ELOA: variants seen among roughly 807,000 people sequenced by gnomAD.
ELOA encodes the protein elongin A, also known as elongin-A.
In ELOA, 15 loss-of-function variants were observed where a neutral mutation model predicts 85.2. The observed-to-expected ratio is 0.18, with a 90% CI of 0.12 to 0.27. ELOA has a LOEUF of 0.27. Ranked by LOEUF, ELOA falls within the 10% of genes least tolerant of loss-of-function variation. The probability of loss-of-function intolerance (pLI) is 1.00; values close to 1 mark genes in which losing one functional copy is unlikely to be tolerated. For synonymous variants in ELOA, 348 were observed against 357.2 expected (o/e 0.97, Z 0.29); for missense variants, 769 against 952.7 (o/e 0.81, Z 2.54).
intron 2 of ELOA, 28 bp from the exon 3 acceptor site, chr1:23,749,814 C>T: frequency 6.2e-7 from 1 of 1,605,260 alleles, no homozygotes; most frequent in African/African-American, 1.3e-5. Flanking sequence ...TTCCAGACCC[C>T]TCTAACAATT....
chr1:23,757,811 G>GA (rs575030502), intron 10 of ELOA, among the ~76,000 whole-genome samples: 522 of 108,388 alleles, frequency 4.8e-3, no homozygotes, highest in Admixed American at 5.3e-3. Context: ...CCTGTCTCTG[G>GA]AAAAAAAAAA....
chr1:23,752,314 A>G (rs1191105729), intron 4 of ELOA, 93 bp from the exon 5 acceptor site: 1 of 1,246,298 alleles, frequency 8.0e-7, no homozygotes, highest in African/African-American at 1.5e-5. Context: ...TTCCTGTGCA[A>G]GATGTCCAGT....
chr1:23,753,199 C>G (rs1296810827), intron 5 of ELOA, among the ~76,000 whole-genome samples: 1 of 152,104 alleles, frequency 6.6e-6, no homozygotes, highest in African/African-American at 2.4e-5. Flanking sequence ...GATGCATTTC[C>G]TAAGTGCATA....
Position 23,750,878 on chromosome 1 carries a change from G to A in ELOA, c.273G>A (p.Lys91=). ...NAEPDEQDFE[K]SNSRKRPRDA... is the part of the protein sequence containing the mutation. ...AGCCTGATGAACAGGACTTTGAGAAGAGCAATTCCCGAAAGCGCCCTCGGG... is the reference window on the plus strand; with the variant it reads ...AGCCTGATGAACAGGACTTTGAGAAAAGCAATTCCCGAAAGCGCCCTCGGG... The change falls in exon 4 of 11, where the codon AAG becomes AAA. Residue 91 remains lysine, a synonymous_variant. Coordinates refer to ENST00000613537, the MANE Select transcript of ELOA (RefSeq NM_003198.3). 6.2e-7 allele frequency: 1 copy of A among 1,603,522 alleles called. No homozygotes were observed. The highest frequency in any genetic ancestry group is 8.5e-7 in the Non-Finnish European group (1 of 1,176,646).
rs1264666946 is a variant in ELOA, at chr1:23,754,139, C to T, written c.1577C>T (p.Thr526Ile). 2 of 1,614,212 alleles carry T rather than the reference C, an allele frequency of 1.2e-6. No homozygotes were observed. The highest frequency in any genetic ancestry group is 1.7e-6 in the Non-Finnish European group (2 of 1,180,038). ...SPQEEEEAGFTGRRMNSKMQV... is the reference protein window; with the variant it reads ...SPQEEEEAGFIGRRMNSKMQV... ...CAGGAAGAAGAAGAAGCTGGATTTA[C>T]TGGGCGCAGAATGAATTCCAAGATG... is the stretch of plus-strand genomic sequence containing the variant. The change falls in exon 6 of 11, where the codon ACT becomes ATT. Residue 526 changes from threonine to isoleucine, a missense_variant. This residue lies in a region of ELOA where 193 missense variants were observed against 278.9 expected (regional missense o/e 0.69). Coordinates refer to ENST00000613537, the MANE Select transcript of ELOA (RefSeq NM_003198.3).
rs374067534 is a variant in ELOA at position 23,756,416 on chromosome 1, G to A, written c.2084+31G>A. On this transcript the variant is annotated intron_variant, in intron 9 of 10. Transcript: ENST00000613537. The stretch of plus-strand genomic sequence containing the variant: ...ATCTGTGTTCTTACCTGGCTTTTGT[G>A]TGCTATCAACCCTTAGAGGTAGCCA... 1,220 of 1,539,508 alleles carry A rather than the reference G, an allele frequency of 7.9e-4. 2 individuals carry two copies. Among genetic ancestry groups the A allele is most frequent in the Non-Finnish European group, 9.8e-4 (1,114 of 1,135,988 alleles).
At chr1:23,749,117 C>T in intron 2 of ELOA, 40 bp downstream of exon 2, 10 of 1,513,944 alleles carry the variant, frequency 6.6e-6, no homozygotes, top group Non-Finnish European at 7.3e-6. Context: ...TAATGATATC[C>T]CATTCCCTTC....
intron 4 of ELOA, 89 bp from the exon 5 acceptor site, chr1:23,752,318 G>A (rs1404274848): frequency 7.8e-7 from 1 of 1,280,412 alleles, no homozygotes; most frequent in African/African-American, 1.5e-5. Flanking sequence ...TGTGCAAGAT[G>A]TCCAGTTAAT....
At position 23,743,551 on chromosome 1, in the gene ELOA, C is replaced by G. The variant is rs1324964504; in HGVS notation, c.48C>G (p.Arg16=). ...AAGTTGTGGAGAAGCTGCAGGCGCG[C>G]CTGGCCGCGAACCCGGACCCTAAGA... is the stretch of plus-strand genomic sequence containing the variant. ...ALQVVEKLQA[R]LAANPDPKKL... is the part of the protein sequence containing the mutation. The change falls in exon 1 of 11, where the codon CGC becomes CGG. Residue 16 remains arginine, a synonymous_variant. Transcript: ENST00000613537. The G allele has an allele frequency of 6.7e-7, 1 of 1,495,872 alleles. No homozygotes were observed. The highest frequency in any genetic ancestry group is 2.2e-5 in the Admixed American group (1 of 46,274). The allele number at this position is 1,495,872 out of a possible 1,614,324, so 92.7% of individuals were successfully genotyped here.
intron 4 of ELOA, among the ~76,000 whole-genome samples, 153 bp downstream of exon 4, chr1:23,752,183 CAG>C (rs1273868052): frequency 6.6e-6 from 1 of 152,318 alleles, no homozygotes; most frequent in East Asian, 1.9e-4. Context: ...CACTGGTTGT[CAG>C]GGTATATGGT....
In ELOA at chr1:23,754,095, T is replaced by C; in HGVS notation, c.1538-5T>C. ...AGGGCCTTTTGTGTTTTTCTTGCCC[T>C]ATAGCGTTCTCTTCACCCCAGGAAG... On this transcript the variant is annotated splice_polypyrimidine_tract_variant and splice_region_variant and intron_variant, in intron 5 of 10. Transcript: ENST00000613537. 6.2e-7 allele frequency: 1 copy of C among 1,614,060 alleles called. No homozygotes were observed.
chr1:23,748,932 C>T, intron 1 of ELOA, 89 bp from the exon 2 acceptor site: 5 of 1,004,092 alleles, frequency 5.0e-6, no homozygotes, highest in South Asian at 1.3e-5. Flanking sequence ...ATACTCATTA[C>T]TGTAAATGGT....
At chr1:23,755,580 G>A (rs1644790671) in intron 7 of ELOA, among the ~76,000 whole-genome samples, 1 of 152,004 alleles carries the variant, frequency 6.6e-6, no homozygotes. Context: ...TCAGGAGTTC[G>A]AGACCAGCCT....
At chr1:23,743,657 G>A (rs1031574839) in intron 1 of ELOA, 79 bp downstream of exon 1, 43 of 1,368,134 alleles carry the variant, frequency 3.1e-5, no homozygotes, top group Non-Finnish European at 3.9e-5. Context: ...CGAGCGTGGC[G>A]GGGTTCGGGG....
At chr1:23,752,829 G>A (rs957604546) in intron 5 of ELOA, among the ~76,000 whole-genome samples, 1 of 151,986 alleles carries the variant, frequency 6.6e-6, no homozygotes, top group African/African-American at 2.4e-5. Flanking sequence ...TGTAATCCCA[G>A]CTACTCCGGA....
chr1:23,753,597 T>TA (rs796778263), intron 5 of ELOA, among the ~76,000 whole-genome samples: 2,190 of 149,222 alleles, frequency 0.015, 52 homozygotes, highest in African/African-American at 0.05. Context: ...TATGCCACAG[T>TA]AAAAAAAAAA....
In ELOA at chr1:23,758,845, G is replaced by C. The variant is rs7536699; in HGVS notation, c.2258-667G>C. On this transcript the variant is annotated intron_variant, in intron 10 of 10. Coordinates refer to ENST00000613537, the MANE Select transcript of ELOA (RefSeq NM_003198.3). ...TACACTGGACAGATTGGGGGTAGAC[G>C]TGCTGTTTACTGGTTTGGCTATTTG... Among the ~76,000 whole-genome samples the C allele has an allele frequency of 6.9e-3, 1,045 of 152,000 alleles. 11 individuals are homozygous for C. The highest frequency in any genetic ancestry group is 0.024 in the African/African-American group (981 of 41,450).
chr1:23,744,636 A>G (rs1434885832), intron 1 of ELOA, among the ~76,000 whole-genome samples: 1 of 152,068 alleles, frequency 6.6e-6, no homozygotes, highest in Non-Finnish European at 1.5e-5. Context: ...TATTTTTAGT[A>G]GAGACAGGGT....
chr1:23,759,481 T>C, intron 10 of ELOA, 31 bp from the exon 11 acceptor site: 2 of 1,613,892 alleles, frequency 1.2e-6, no homozygotes, highest in Non-Finnish European at 1.7e-6. Context: ...GCCACAGATC[T>C]GAGACAGCTG....
Sources: allele counts gnomAD v4.1 joint callset (sites outside exome capture counted in the v4.1 genomes callset), GRCh38; gene constraint gnomAD v4.1.1; regional missense constraint gnomAD v4.1.1; transcripts MANE v1.5; gene names NCBI Gene and HGNC (gene_info 2026-07-23, HGNC 2026-07-21).